The following ANXA5 variants were observed in gnomAD, a reference collection of about 807,000 sequenced individuals.
The protein encoded by ANXA5 is CBP-I.
ANXA5 carries 40 observed loss-of-function variants against 48.1 expected under a neutral mutation model. That is an observed-to-expected ratio of 0.83 (90% CI 0.65 to 1.08). The LOEUF (loss-of-function observed/expected upper bound fraction) is 1.08, where lower values mean the gene tolerates loss of function less well. ANXA5 is among the 50% of genes least tolerant of loss of function. The pLI, the probability that ANXA5 is intolerant of heterozygous loss-of-function variation, is 0.00. For synonymous variants in ANXA5, 113 were observed against 129.1 expected (o/e 0.88, Z 0.85); for missense variants, 357 against 376.8 (o/e 0.95, Z 0.44).
At chr4:121,691,076 A>G (rs1463578808) in intron 2 of ANXA5, among the ~76,000 whole-genome samples, 1 of 152,020 alleles carries the variant, frequency 6.6e-6, no homozygotes, top group East Asian at 1.9e-4. Flanking sequence ...ATTAATGCCA[A>G]CTCTTAAGTA....
At chr4:121,684,804 T>C (rs1422436299) in intron 3 of ANXA5, 33 bp from the exon 4 acceptor site, 3 of 1,570,040 alleles carry the variant, frequency 1.9e-6, no homozygotes, top group Non-Finnish European at 8.8e-7. Context: ...ACATTTTGGC[T>C]CCTACATGCA....
intron 6 of ANXA5, among the ~76,000 whole-genome samples, chr4:121,678,795 C>T (rs1190008365): frequency 2.0e-5 from 3 of 152,258 alleles, no homozygotes; most frequent in Non-Finnish European, 2.9e-5. Context: ...GGAAAGTCTC[C>T]AAAACACAAT....
intron 2 of ANXA5, among the ~76,000 whole-genome samples, chr4:121,696,156 A>G (rs1248263352): frequency 6.8e-6 from 1 of 146,092 alleles, no homozygotes; most frequent in Non-Finnish European, 1.5e-5. Flanking sequence ...ACTTTGCGGA[A>G]AAAAAATAAA....
intron 6 of ANXA5, among the ~76,000 whole-genome samples, chr4:121,680,230 C>T (rs1366265193): frequency 6.6e-6 from 1 of 152,038 alleles, no homozygotes; most frequent in African/African-American, 2.4e-5. Context: ...AGGATTTCCC[C>T]TCTTTAAGAC....
At chr4:121,682,157 G>T (rs1322811824) in intron 5 of ANXA5, among the ~76,000 whole-genome samples, 2 of 152,070 alleles carry the variant, frequency 1.3e-5, no homozygotes, top group Non-Finnish European at 2.9e-5. Flanking sequence ...AAATGTACAT[G>T]GAAGAGCACT....
At chr4:121,672,001 C>G (rs894433552) in intron 9 of ANXA5, among the ~76,000 whole-genome samples, 1 of 152,056 alleles carries the variant, frequency 6.6e-6, no homozygotes, top group Non-Finnish European at 1.5e-5. Context: ...GAGCAGACAT[C>G]TTATGATAAT....
intron 2 of ANXA5, among the ~76,000 whole-genome samples, chr4:121,696,185 TG>T (rs200179015): frequency 1.2e-4 from 5 of 42,834 alleles, no homozygotes; most frequent in Admixed American, 3.0e-4. Flanking sequence ...GGGGGCGGGG[TG>T]GGGGGGGAAT....
At chr4:121,681,830 T>C (rs1333939607) in intron 5 of ANXA5, 69 bp from the exon 6 acceptor site, 3 of 1,123,640 alleles carry the variant, frequency 2.7e-6, no homozygotes, top group East Asian at 2.4e-5. Flanking sequence ...AAGAAAGTTA[T>C]AGATGTTACC....
chr4:121,680,547 A>G (rs1399155097), intron 6 of ANXA5, among the ~76,000 whole-genome samples: 1 of 152,176 alleles, frequency 6.6e-6, no homozygotes, highest in Non-Finnish European at 1.5e-5. Flanking sequence ...TGAGGACAGG[A>G]GCTGTGTTAT....
chr4:121,669,592 G>C lies in ANXA5; in HGVS notation c.903+10C>G, dbSNP rs1724577565. The C allele has an allele frequency of 6.2e-7, 1 of 1,613,102 alleles. No homozygotes were observed. The highest frequency in any genetic ancestry group is 1.1e-5 in the South Asian group (1 of 91,004). On this transcript the variant is annotated intron_variant, in intron 12 of 12. Transcript: ENST00000296511. ...ATTCCCAAACGTAATTTAAAGAAAG[G>C]TTCTACTACCTTAATCATGGAATAA...
intron 5 of ANXA5, among the ~76,000 whole-genome samples, chr4:121,682,679 A>T (rs1179981759): frequency 6.6e-6 from 1 of 151,890 alleles, no homozygotes; most frequent in Non-Finnish European, 1.5e-5. Context: ...TCCTCTCTCC[A>T]CTCCATCAGT....
At chr4:121,672,758 T>G in intron 8 of ANXA5, 132 bp from the exon 9 acceptor site, 4 of 676,078 alleles carry the variant, frequency 5.9e-6, no homozygotes, top group Non-Finnish European at 7.7e-6. Flanking sequence ...TTTTCATTTC[T>G]AATGTGTCCT....
intron 9 of ANXA5, among the ~76,000 whole-genome samples, chr4:121,672,144 T>C (rs1407835165): frequency 6.6e-6 from 1 of 152,196 alleles, no homozygotes; most frequent in African/African-American, 2.4e-5. Flanking sequence ...CTATTAGGGT[T>C]CTCTGTCACT....
chr4:121,684,143 A>G (rs565027380), intron 4 of ANXA5, among the ~76,000 whole-genome samples: 1 of 152,342 alleles, frequency 6.6e-6, no homozygotes, highest in Admixed American at 6.5e-5. Flanking sequence ...TCAGAATAAC[A>G]AGACTACATT....
At chr4:121,670,667 T>G (rs1724597704) in intron 10 of ANXA5, among the ~76,000 whole-genome samples, 1 of 152,192 alleles carries the variant, frequency 6.6e-6, no homozygotes, top group Non-Finnish European at 1.5e-5. Flanking sequence ...AATCCTTGCA[T>G]GTGGAGATTT....
chr4:121,672,984 T>A (rs1724637383), intron 8 of ANXA5, among the ~76,000 whole-genome samples: 2 of 152,252 alleles, frequency 1.3e-5, no homozygotes, highest in Non-Finnish European at 2.9e-5. Context: ...ATGTATAGAC[T>A]GGGAAAGGAT....
At chr4:121,695,314 ATAAAG>A (rs750746387) in intron 2 of ANXA5, among the ~76,000 whole-genome samples, 2 of 152,270 alleles carry the variant, frequency 1.3e-5, no homozygotes, top group African/African-American at 4.8e-5. Flanking sequence ...TGTAAGTTTC[ATAAAG>A]TAATCAACTA....
chr4:121,687,682 C>T (rs927175174), intron 2 of ANXA5, among the ~76,000 whole-genome samples: 9 of 152,090 alleles, frequency 5.9e-5, no homozygotes, highest in African/African-American at 1.9e-4. Context: ...GAAGAACTTC[C>T]CCAGGGCATA....
intron 10 of ANXA5, 46 bp downstream of exon 10, chr4:121,671,501 T>C (rs1385919729): frequency 7.1e-7 from 1 of 1,404,716 alleles, no homozygotes; most frequent in Admixed American, 1.7e-5. Flanking sequence ...AATAAAATGC[T>C]TTAGCTCTTA....
Sources: gnomAD v4.1 joint callset for allele counts (sites outside exome capture counted in the v4.1 genomes callset) on GRCh38, gnomAD v4.1.1 for gene constraint, MANE v1.5 for transcripts, NCBI Gene and HGNC (gene_info 2026-07-23, HGNC 2026-07-21) for gene names.